The following TIMP4 variants were observed in gnomAD, a reference collection of about 807,000 sequenced individuals.
TIMP4 encodes the protein TIMP metallopeptidase inhibitor 4, also known as metalloproteinase inhibitor 4.
Under a neutral mutation model 27.3 loss-of-function variants are expected in TIMP4, and 28 were observed. The ratio of observed to expected loss-of-function variants is 1.03; its 90% CI spans 0.76 to 1.41. TIMP4 has a LOEUF of 1.41. Ranked by LOEUF, TIMP4 falls within the 40% of genes most tolerant of loss-of-function variation. TIMP4 has a pLI of 0.00. For missense variants in TIMP4, 307 were observed against 285.5 expected, an observed-to-expected ratio of 1.08 and a Z score of -0.54; for synonymous variants, 138 against 115.5, an observed-to-expected ratio of 1.20 and a Z score of -1.25.
intron 3 of TIMP4, 52 bp downstream of exon 3, chr3:12,156,768 C>G: frequency 6.8e-7 from 1 of 1,474,612 alleles, no homozygotes; most frequent in Non-Finnish European, 9.5e-7. Flanking sequence ...TCACTACCTC[C>G]CCTAGGGCAG....
Position 12,154,360 on chromosome 3 carries a change from C to G in TIMP4, c.444G>C (p.Leu148=), listed in dbSNP as rs1574972095. 1.2e-6 allele frequency: 2 copies of G among 1,614,218 alleles called. No individual in the cohort carries two copies. Among genetic ancestry groups the G allele is most frequent in the East Asian group, 4.5e-5 (2 of 44,884 alleles). The part of the protein sequence containing the change: ...EDLSLVQRES[L]NHHYHLNCGC... Reference sequence around the variant, plus strand: ...CACAGTTCAGATGGTAGTGATGATTCAGACTTTCCCTCTGCACCAAGGACA... The same window carrying G: ...CACAGTTCAGATGGTAGTGATGATTGAGACTTTCCCTCTGCACCAAGGACA... The change falls in exon 4 of 5, where the codon CTG becomes CTC. Residue 148 remains leucine, a synonymous_variant. Transcript: ENST00000287814.
intron 3 of TIMP4, 152 bp downstream of exon 3, chr3:12,156,668 G>A (rs866145439): frequency 1.0e-5 from 6 of 585,682 alleles, no homozygotes; most frequent in Middle Eastern, 6.6e-4. Context: ...CTAACCCAGA[G>A]GTTGTCTGTC....
rs1477245745 is a variant in TIMP4, at chr3:12,153,386, A to G, written c.*129T>C. 3 of 1,091,530 alleles carry G rather than the reference A, an allele frequency of 2.7e-6. No homozygotes were observed. The highest frequency in any genetic ancestry group is 4.1e-6 in the Non-Finnish European group (3 of 722,922). The allele number at this position is 1,091,530 out of a possible 1,614,324, so 67.6% of individuals were successfully genotyped here. The stretch of plus-strand genomic sequence containing the variant: ...CCTTCCCTGCCTTGACAGTGGCCAG[A>G]CTGTCCACTTGGCACTTCTTATTAG... On this transcript the variant is annotated 3_prime_UTR_variant, in exon 5 of 5. Transcript: ENST00000287814.
chr3:12,153,521 C>G lies in TIMP4; in HGVS notation c.669G>C (p.Gln223His). Residue 223 changes from glutamine to histidine, a missense_variant, in exon 5 of 5, where the codon CAG becomes CAC. By Grantham distance (24) the Gln-to-His change is conservative. Transcript: ENST00000287814. The stretch of plus-strand genomic sequence containing the variant: ...TGATGGTCACTGGTCCCTACTAGGG[C>G]TGAACGATGTCAACAAACTCCTTCC... ...PLRKEFVDIV[Q>H]P 6.2e-7 allele frequency: 1 copy of G among 1,613,280 alleles called. No homozygotes were observed. Among genetic ancestry groups the G allele is most frequent in the Non-Finnish European group, 8.5e-7 (1 of 1,180,024 alleles).
Position 12,154,392 on chromosome 3 carries a change from C to G in TIMP4, c.412G>C (p.Glu138Gln). Residue 138 changes from glutamate to glutamine, a missense_variant, in exon 4 of 5, where the codon GAG (glutamate) becomes CAG (glutamine). By Grantham distance (29) the Glu-to-Gln change is conservative. Coordinates refer to ENST00000287814, the MANE Select transcript of TIMP4 (RefSeq NM_003256.4). Reference sequence around the variant, plus strand: ...TCCCTCTGCACCAAGGACAGGTCCTCCCAGGGCTCGATGTAGTTGCACAGA... The same window carrying G: ...TCCCTCTGCACCAAGGACAGGTCCTGCCAGGGCTCGATGTAGTTGCACAGA... ...IHLCNYIEPW[E>Q]DLSLVQRESL... 3 of 1,614,192 alleles carry G rather than the reference C, an allele frequency of 1.9e-6. No individual in the cohort carries two copies. Among genetic ancestry groups the G allele is most frequent in the East Asian group, 2.2e-5 (1 of 44,884 alleles).
At chr3:12,158,612 C>CT in intron 1 of TIMP4, 90 bp downstream of exon 1, 1 of 1,548,906 alleles carries the variant, frequency 6.5e-7, no homozygotes, top group South Asian at 1.2e-5. Context: ...GAGCTCCTCC[C>CT]TTTTCCTCTG....
In TIMP4 at chr3:12,157,419, T is replaced by C. The variant is rs1697490180; in HGVS notation, c.203A>G (p.Glu68Gly). Reference sequence around the variant, plus strand: ...TTTGATTTCATACCGGAGCATTTTTTCAGTGTCAGCAGGGTCTGCACTGGC... The same window carrying C: ...TTTGATTTCATACCGGAGCATTTTTCCAGTGTCAGCAGGGTCTGCACTGGC... ...VPASADPADTEKMLRYEIKQI... is the reference protein window; with the variant it reads ...VPASADPADTGKMLRYEIKQI... Residue 68 changes from glutamate to glycine, a missense_variant, in exon 2 of 5, where the codon GAA (glutamate) becomes GGA (glycine). Transcript: ENST00000287814. 2 of 1,614,112 alleles carry C rather than the reference T, an allele frequency of 1.2e-6. No homozygotes were observed.
chr3:12,154,531 A>C, intron 3 of TIMP4, 80 bp from the exon 4 acceptor site: 1 of 1,536,704 alleles, frequency 6.5e-7, no homozygotes. Flanking sequence ...TGAAAAGCCC[A>C]GAATTGCAGC....
chr3:12,154,235 T>G lies in TIMP4; in HGVS notation c.477+92A>C. 3.8e-6 allele frequency: 6 copies of G among 1,561,492 alleles called. No homozygotes were observed. In the South Asian group the frequency reaches 6.9e-5, roughly 18 times the overall value. ...AACTTCATACAGTGCAGATCTCAAG[T>G]ATAGTCTAGTAAGTGAATAAATTCA... On this transcript the variant is annotated intron_variant, in intron 4 of 4. Transcript: ENST00000287814.
rs200957921 is a variant in TIMP4 at position 12,158,883 on chromosome 3, T to C, written c.-43A>G. 961 of 1,497,164 alleles carry C rather than the reference T, an allele frequency of 6.4e-4. 1 individual carries two copies. In the African/African-American group the frequency reaches 9.0e-3, roughly 14 times the overall value. 92.7% of individuals were successfully genotyped at this position (1,497,164 alleles called of 1,614,324 possible). ...ACTGAGCCTGTGAGGTCTGGGGGACTGGACGGCCCCAGCAGGGCTCCTTCC... is the reference window on the plus strand; with the variant it reads ...ACTGAGCCTGTGAGGTCTGGGGGACCGGACGGCCCCAGCAGGGCTCCTTCC... On this transcript the variant is annotated 5_prime_UTR_variant, in exon 1 of 5. Transcript: ENST00000287814.
At chr3:12,156,983 G>T in intron 2 of TIMP4, 49 bp from the exon 3 acceptor site, 1 of 1,362,408 alleles carries the variant, frequency 7.3e-7, no homozygotes, top group Non-Finnish European at 1.0e-6. Flanking sequence ...TGAGTGTACT[G>T]TATATATTAA....
Position 12,158,673 on chromosome 3 carries a change from GCTGTGGACCT to G in TIMP4, c.139+19_139+28del. ...TACTAATCCCCCACAACCACCCCCTGCTGTGGACCTCGCGGACCTCGGACTCACCAAGTGC... is the reference window on the plus strand; with the variant it reads ...TACTAATCCCCCACAACCACCCCCTGCGCGGACCTCGGACTCACCAAGTGC... On this transcript the variant is annotated intron_variant, in intron 1 of 4. Transcript: ENST00000287814. 1 of 1,608,248 alleles carries G rather than the reference GCTGTGGACCT, an allele frequency of 6.2e-7. No individual in the cohort carries two copies. The highest frequency in any genetic ancestry group is 8.5e-7 in the Non-Finnish European group (1 of 1,179,156).
chr3:12,158,709 C>CGAGTGGCA lies in TIMP4; in HGVS notation c.124_131dup (p.Leu46ThrfsTer5), dbSNP rs1697538716. ...CGCGGACCTCGGACTCACCAAGTGC[C>CGAGTGGCA]GAGTGGCAGATGTGCTGCTGAGGGT... On this transcript the variant is annotated frameshift_variant, in exon 1 of 5. Transcript: ENST00000287814. LOFTEE classifies it high-confidence loss of function. 1 of 1,610,230 alleles carries CGAGTGGCA rather than the reference C, an allele frequency of 6.2e-7. No homozygotes were observed. The highest frequency in any genetic ancestry group is 1.7e-5 in the Admixed American group (1 of 59,974).
At position 12,153,664 on chromosome 3, in the gene TIMP4, A is replaced by T. The variant is rs750403598; in HGVS notation, c.526T>A (p.Cys176Ser). ...TCCAACAGCCAGTCTGTCCAGAGGC[A>T]CTCGTTAGGGGCCGAGATGGTACAG... The part of the protein sequence containing the change: ...VPCTISAPNE[C>S]LWTDWLLERK... The change falls in exon 5 of 5, where the codon TGC (cysteine) becomes AGC (serine). Residue 176 changes from cysteine (C) to serine (S), a missense_variant. Coordinates refer to ENST00000287814, the MANE Select transcript of TIMP4 (RefSeq NM_003256.4). 6.8e-6 allele frequency: 11 copies of T among 1,614,022 alleles called. No individual in the cohort carries two copies.
chr3:12,158,717 A>C lies in TIMP4; in HGVS notation c.124T>G (p.Cys42Gly). 1 of 1,610,310 alleles carries C rather than the reference A, an allele frequency of 6.2e-7. No homozygotes were observed. Residue 42 changes from cysteine to glycine, a missense_variant, in exon 1 of 5, where the codon TGC (cysteine) becomes GGC (glycine). By Grantham distance (159) the Cys-to-Gly change is radical (BLOSUM62 -3). Transcript: ENST00000287814. ...TCGGACTCACCAAGTGCCGAGTGGCAGATGTGCTGCTGAGGGTGCGCCGGG... is the reference window on the plus strand; with the variant it reads ...TCGGACTCACCAAGTGCCGAGTGGCCGATGTGCTGCTGAGGGTGCGCCGGG... The part of the protein sequence containing the change: ...CAPAHPQQHI[C>G]HSALVIRAKI...
In TIMP4 at chr3:12,153,413, T is replaced by A; in HGVS notation, c.*102A>T. The A allele has an allele frequency of 7.4e-7, 1 of 1,351,916 alleles. No homozygotes were observed. Among genetic ancestry groups the A allele is most frequent in the Non-Finnish European group, 1.1e-6 (1 of 948,124 alleles). The allele number at this position is 1,351,916 out of a possible 1,614,324, so 83.7% of individuals were successfully genotyped here. On this transcript the variant is annotated 3_prime_UTR_variant, in exon 5 of 5. Coordinates refer to ENST00000287814, the MANE Select transcript of TIMP4 (RefSeq NM_003256.4). ...TGTCCACTTGGCACTTCTTATTAGC[T>A]GGCAGCAAGAGGTCAGGTGGTAATG...
chr3:12,155,989 T>A (rs113230764), intron 3 of TIMP4, among the ~76,000 whole-genome samples: 2,072 of 152,232 alleles, frequency 0.014, 44 homozygotes, highest in African/African-American at 0.048. Flanking sequence ...CATTGTAGCC[T>A]CCAGTGCCTA....
In TIMP4 at chr3:12,154,653, G is replaced by T. The variant is rs369952676; in HGVS notation, c.353-202C>A. 9.2e-5 allele frequency among the ~76,000 whole-genome samples: 14 copies of T among 152,332 alleles called. No individual in the cohort carries two copies. In the East Asian group the frequency reaches 2.7e-3, roughly 29 times the overall value. ...GATAAGCAGATTATGTTTGTACGAG[G>T]CAGAGTTGTGGGATCTGGTGAAGGC... is the stretch of plus-strand genomic sequence containing the variant. On this transcript the variant is annotated intron_variant, in intron 3 of 4. Coordinates refer to ENST00000287814, the MANE Select transcript of TIMP4 (RefSeq NM_003256.4).
Position 12,153,383 on chromosome 3 carries a change from C to T in TIMP4, c.*132G>A. ...GCCCCTTCCCTGCCTTGACAGTGGC[C>T]AGACTGTCCACTTGGCACTTCTTAT... is the stretch of plus-strand genomic sequence containing the variant. On this transcript the variant is annotated 3_prime_UTR_variant, in exon 5 of 5. Transcript: ENST00000287814. The T allele has an allele frequency of 2.8e-6, 3 of 1,086,414 alleles. No homozygotes were observed. Among genetic ancestry groups the T allele is most frequent in the South Asian group, 2.8e-5 (2 of 72,246 alleles). 67.3% of individuals were successfully genotyped at this position (1,086,414 alleles called of 1,614,324 possible).
Sources: gnomAD v4.1 joint callset for allele counts (sites outside exome capture counted in the v4.1 genomes callset) on GRCh38, gnomAD v4.1.1 for gene constraint, MANE v1.5 for transcripts, NCBI Gene and HGNC (gene_info 2026-07-23, HGNC 2026-07-21) for gene names.